Variants in WDR27 observed in about 807,000 individuals in gnomAD.
WDR27 encodes WD repeat-containing protein 27.
A neutral mutation model predicts 114.4 loss-of-function variants in WDR27; 100 were observed. The ratio of observed to expected loss-of-function variants is 0.87; its 90% CI spans 0.74 to 1.03. The LOEUF is 1.03. Ranked by LOEUF, WDR27 falls within the 50% of genes least tolerant of loss-of-function variation. The probability of loss-of-function intolerance (pLI) is 0.00; values close to 1 mark genes in which losing one functional copy is unlikely to be tolerated. For missense variants in WDR27, 1,129 were observed against 1,092.9 expected (o/e 1.03, Z -0.47); for synonymous variants, 449 against 423.1 (o/e 1.06, Z -0.75).
chr6:169,501,884 C>T (rs554963949), intron 25 of WDR27, among the ~76,000 whole-genome samples: 1 of 152,324 alleles, frequency 6.6e-6, no homozygotes, highest in African/African-American at 2.4e-5. Flanking sequence ...GCAAGACCTC[C>T]CTACATGCTT....
At chr6:169,587,223 T>C (rs1319093037) in intron 23 of WDR27, among the ~76,000 whole-genome samples, 1 of 133,326 alleles carries the variant, frequency 7.5e-6, no homozygotes, top group Non-Finnish European at 1.6e-5. Flanking sequence ...TCTTTTTTTT[T>C]TTTTTTTTTT....
chr6:169,594,589 T>C (rs1254897027), intron 23 of WDR27, among the ~76,000 whole-genome samples: 1 of 152,244 alleles, frequency 6.6e-6, no homozygotes, highest in Non-Finnish European at 1.5e-5. Flanking sequence ...ATTTGTTTAT[T>C]TTCTTCAAAA....
At chr6:169,482,635 A>G (rs1353603864) in intron 25 of WDR27, among the ~76,000 whole-genome samples, 3 of 152,204 alleles carry the variant, frequency 2.0e-5, no homozygotes, top group Non-Finnish European at 4.4e-5. Flanking sequence ...TCAAGGCAGA[A>G]AATTAACAAA....
intron 25 of WDR27, among the ~76,000 whole-genome samples, chr6:169,532,349 A>G (rs1200265098): frequency 6.6e-6 from 1 of 152,222 alleles, no homozygotes; most frequent in Non-Finnish European, 1.5e-5. Flanking sequence ...CAATCAAAAT[A>G]GAAAATCTTC....
Position 169,664,799 on chromosome 6 carries a change from C to G in WDR27, c.784-513G>C, listed in dbSNP as rs1316542375. 4 of 995,740 alleles carry G rather than the reference C, an allele frequency of 4.0e-6. No homozygotes were observed. In the African/African-American group the frequency reaches 7.0e-5, roughly 17 times the overall value. The allele number at this position is 995,740 out of a possible 1,614,324, so 61.7% of individuals were successfully genotyped here. On this transcript the variant is annotated intron_variant, in intron 7 of 25. Coordinates refer to ENST00000448612, the MANE Select transcript of WDR27 (RefSeq NM_182552.5). ...AAAATGTTTTGAAAAAGGCCAACAT[C>G]TTCAGGTTTTTCAACAGTGTGTAAA...
intron 23 of WDR27, among the ~76,000 whole-genome samples, chr6:169,599,069 T>C (rs933379452): frequency 6.6e-6 from 1 of 152,188 alleles, no homozygotes; most frequent in Non-Finnish European, 1.5e-5. Context: ...ACATGTGCCA[T>C]GTTGGTGTGC....
At chr6:169,700,677 GAGC>G (rs1240810548) in intron 1 of WDR27, among the ~76,000 whole-genome samples, 1 of 152,204 alleles carries the variant, frequency 6.6e-6, no homozygotes, top group African/African-American at 2.4e-5. Flanking sequence ...AGGACTGTGT[GAGC>G]AAGAAACATG....
intron 1 of WDR27, among the ~76,000 whole-genome samples, chr6:169,693,594 G>GT (rs1785055848): frequency 1.3e-5 from 2 of 152,130 alleles, no homozygotes; most frequent in South Asian, 4.1e-4. Flanking sequence ...AGAGACTCAT[G>GT]TAACACATAA....
the WDR27 span, among the ~76,000 whole-genome samples, chr6:169,443,880 G>A: frequency 6.6e-6 from 1 of 152,176 alleles, no homozygotes; most frequent in Non-Finnish European, 1.5e-5. Context: ...AGTCATTCAG[G>A]CCTGGGTTTC....
chr6:169,553,016 G>A (rs867652912), intron 25 of WDR27, among the ~76,000 whole-genome samples: 1 of 104,104 alleles, frequency 9.6e-6, no homozygotes, highest in Non-Finnish European at 2.0e-5. Context: ...GTGTGTGTGT[G>A]TGTGTGTGTG....
At chr6:169,681,690 T>A (rs1210879384) in intron 2 of WDR27, among the ~76,000 whole-genome samples, 2 of 152,180 alleles carry the variant, frequency 1.3e-5, no homozygotes, top group African/African-American at 4.8e-5. Context: ...TTCGCTCCAA[T>A]TCCCTCATCT....
At chr6:169,594,120 T>C (rs1336908041) in intron 23 of WDR27, among the ~76,000 whole-genome samples, 10 of 152,344 alleles carry the variant, frequency 6.6e-5, no homozygotes, top group African/African-American at 2.4e-4. Context: ...CCAGAGACAC[T>C]GATATATCAT....
At chr6:169,575,273 C>G (rs9383495) in intron 24 of WDR27, among the ~76,000 whole-genome samples, 1 of 139,384 alleles carries the variant, frequency 7.2e-6, no homozygotes. Context: ...CCTCTCTCTC[C>G]ATCCATCCCT....
chr6:169,450,582 C>T, the WDR27 span, among the ~76,000 whole-genome samples: 43 of 152,262 alleles, frequency 2.8e-4, no homozygotes, highest in African/African-American at 1.0e-3. Context: ...GCTCAGGGAG[C>T]CCCCCAGGAT....
Position 169,502,071 on chromosome 6 carries a change from C to T in WDR27, c.2646-44437G>A, listed in dbSNP as rs1791337017. On this transcript the variant is annotated intron_variant, in intron 25 of 25. Coordinates refer to ENST00000448612, the MANE Select transcript of WDR27 (RefSeq NM_182552.5). ...GAACGGAGCCGCACGCACCACCTCC[C>T]CCCAGGCTAGGGCAGCCGCCCCGGG... Among the ~76,000 whole-genome samples, 3 of 152,190 alleles carry T rather than the reference C, an allele frequency of 2.0e-5. No individual in the cohort carries two copies. The South Asian group carries it at 6.2e-4, about 31-fold the overall frequency.
At chr6:169,563,336 A>G (rs1424291664) in intron 25 of WDR27, among the ~76,000 whole-genome samples, 1 of 152,090 alleles carries the variant, frequency 6.6e-6, no homozygotes, top group East Asian at 1.9e-4. Context: ...CAGCTGAACC[A>G]CGCGTGAGTC....
chr6:169,446,386 C>T, the WDR27 span, among the ~76,000 whole-genome samples: 4 of 152,102 alleles, frequency 2.6e-5, no homozygotes, highest in South Asian at 2.1e-4. Flanking sequence ...GGGCACAAGG[C>T]GGGACCAGGG....
At chr6:169,535,503 T>G (rs1045943266) in intron 25 of WDR27, among the ~76,000 whole-genome samples, 2 of 152,178 alleles carry the variant, frequency 1.3e-5, no homozygotes, top group African/African-American at 2.4e-5. Context: ...AGTCCTTTTT[T>G]CTTTCTTTCT....
At chr6:169,672,885 A>G (rs961491788) in intron 2 of WDR27, among the ~76,000 whole-genome samples, 2 of 152,218 alleles carry the variant, frequency 1.3e-5, no homozygotes, top group African/African-American at 4.8e-5. Flanking sequence ...ATAGCACTCT[A>G]GGAAATTAAA....
Sources: gnomAD v4.1 joint callset for allele counts (sites outside exome capture counted in the v4.1 genomes callset) on GRCh38, gnomAD v4.1.1 for gene constraint, MANE v1.5 for transcripts, NCBI Gene and HGNC (gene_info 2026-07-23, HGNC 2026-07-21) for gene names.